The following TMEM135 variants were observed in gnomAD, a reference collection of about 807,000 sequenced individuals.
The protein encoded by TMEM135 is peroxisomal membrane protein 52.
A neutral mutation model predicts 60.3 loss-of-function variants in TMEM135; 30 were observed. The observed-to-expected ratio is 0.50, with a 90% CI of 0.37 to 0.68. TMEM135 has a LOEUF of 0.68. Among genes scored for constraint, TMEM135 ranks in the 30% least tolerant of loss-of-function variants. The probability of loss-of-function intolerance (pLI) is 0.00; values close to 1 mark genes in which losing one functional copy is unlikely to be tolerated. For synonymous variants in TMEM135, 190 were observed against 186.7 expected (o/e 1.02, Z -0.14); for missense variants, 468 against 548.8 (o/e 0.85, Z 1.47).
rs143291056 is a variant in TMEM135, at chr11:87,091,275, A to G, written c.363-87A>G. ...TACGTTTCTCAATTTCTGAGAATATAATTCTTTTTATAGACTTCTAATAAA... is the reference window on the plus strand; with the variant it reads ...TACGTTTCTCAATTTCTGAGAATATGATTCTTTTTATAGACTTCTAATAAA... On this transcript the variant is annotated intron_variant, in intron 3 of 14. Coordinates refer to ENST00000305494, the MANE Select transcript of TMEM135 (RefSeq NM_022918.4). 3.2e-5 allele frequency: 39 copies of G among 1,210,176 alleles called. No homozygotes were observed. In the African/African-American group the frequency reaches 5.5e-4, roughly 17 times the overall value. 75.0% of individuals were successfully genotyped at this position (1,210,176 alleles called of 1,614,324 possible).
intron 5 of TMEM135, among the ~76,000 whole-genome samples, chr11:87,171,637 GA>G (rs1939239841): frequency 6.6e-6 from 1 of 152,140 alleles, no homozygotes; most frequent in South Asian, 2.1e-4. Flanking sequence ...TTATACTTCA[GA>G]AAATGAGCTG....
At chr11:87,042,629 C>T (rs540142591) in intron 1 of TMEM135, among the ~76,000 whole-genome samples, 2 of 152,202 alleles carry the variant, frequency 1.3e-5, no homozygotes, top group South Asian at 2.1e-4. Flanking sequence ...TTCTGAGCCC[C>T]AACATGAAGG....
intron 6 of TMEM135, among the ~76,000 whole-genome samples, chr11:87,255,964 G>A (rs1011065530): frequency 6.6e-6 from 1 of 152,178 alleles, no homozygotes; most frequent in Admixed American, 6.5e-5. Context: ...TGGTTGGTAA[G>A]TTACAAAACT....
chr11:87,276,224 A>G (rs1001187441), intron 6 of TMEM135, among the ~76,000 whole-genome samples: 1 of 152,154 alleles, frequency 6.6e-6, no homozygotes, highest in Admixed American at 6.6e-5. Flanking sequence ...TTAATCCTCA[A>G]TACATTGTTC....
At chr11:87,076,527 C>G (rs1856877202) in intron 3 of TMEM135, among the ~76,000 whole-genome samples, 2 of 152,312 alleles carry the variant, frequency 1.3e-5, no homozygotes, top group Admixed American at 6.5e-5. Flanking sequence ...TGTTGCTTTA[C>G]CCCACTGTGT....
At chr11:87,059,646 A>G (rs1169864312) in intron 1 of TMEM135, among the ~76,000 whole-genome samples, 1 of 152,168 alleles carries the variant, frequency 6.6e-6, no homozygotes, top group Non-Finnish European at 1.5e-5. Flanking sequence ...CCAGAGAGGA[A>G]ATCTCTTCTT....
chr11:87,039,713 A>G (rs181820663), intron 1 of TMEM135, among the ~76,000 whole-genome samples: 15 of 152,352 alleles, frequency 9.8e-5, no homozygotes, highest in South Asian at 2.1e-4. Context: ...ATATACAACT[A>G]TAGAAAAGAT....
chr11:87,045,026 G>A (rs1256603581), intron 1 of TMEM135, among the ~76,000 whole-genome samples: 1 of 151,332 alleles, frequency 6.6e-6, no homozygotes, highest in Non-Finnish European at 1.5e-5. Flanking sequence ...TTTGTTGAAG[G>A]TGTTTTTATT....
chr11:87,153,544 GC>G (rs1287476066), intron 4 of TMEM135, among the ~76,000 whole-genome samples: 33 of 152,082 alleles, frequency 2.2e-4, no homozygotes, highest in African/African-American at 7.7e-4. Flanking sequence ...CCTAAAAGAG[GC>G]CACCCTTGAT....
At chr11:87,212,997 T>G (rs1314438346) in intron 5 of TMEM135, among the ~76,000 whole-genome samples, 2 of 152,172 alleles carry the variant, frequency 1.3e-5, no homozygotes, top group Non-Finnish European at 2.9e-5. Flanking sequence ...ATAGTCATAC[T>G]TTAACTCATC....
At chr11:87,303,255 C>T (rs1942477678) in intron 8 of TMEM135, among the ~76,000 whole-genome samples, 1 of 152,152 alleles carries the variant, frequency 6.6e-6, no homozygotes, top group South Asian at 2.1e-4. Context: ...CCATTGTGAA[C>T]TGCGCGTACA....
chr11:87,109,835 T>TTG (rs1333456470), intron 4 of TMEM135, among the ~76,000 whole-genome samples: 2 of 151,994 alleles, frequency 1.3e-5, no homozygotes, highest in Non-Finnish European at 1.5e-5. Context: ...ACTCTTTTTT[T>TTG]TTTGCCACTG....
intron 5 of TMEM135, among the ~76,000 whole-genome samples, chr11:87,202,282 T>G (rs1740549711): frequency 6.6e-6 from 1 of 152,166 alleles, no homozygotes; most frequent in Non-Finnish European, 1.5e-5. Flanking sequence ...CACCTCGACC[T>G]CCCAAAGTTT....
chr11:87,246,247 G>A (rs574179487), intron 6 of TMEM135, among the ~76,000 whole-genome samples: 2 of 149,658 alleles, frequency 1.3e-5, no homozygotes, highest in South Asian at 2.2e-4. Context: ...GCTTCCCTTT[G>A]TGGGTAACCC....
intron 3 of TMEM135, among the ~76,000 whole-genome samples, chr11:87,077,233 A>C (rs1041156674): frequency 2.6e-5 from 4 of 152,248 alleles, no homozygotes; most frequent in African/African-American, 9.6e-5. Context: ...GGAATGATGC[A>C]ATGTATAACG....
chr11:87,207,856 C>T (rs1288173672), intron 5 of TMEM135, among the ~76,000 whole-genome samples: 1 of 152,164 alleles, frequency 6.6e-6, no homozygotes, highest in Non-Finnish European at 1.5e-5. Flanking sequence ...TCTGGGAGCA[C>T]GTTGACTCCT....
At chr11:87,153,392 A>G (rs1006908295) in intron 4 of TMEM135, among the ~76,000 whole-genome samples, 1 of 152,156 alleles carries the variant, frequency 6.6e-6, no homozygotes, top group African/African-American at 2.4e-5. Flanking sequence ...ATTAGTTGAT[A>G]TATTGACATC....
intron 6 of TMEM135, among the ~76,000 whole-genome samples, chr11:87,277,639 A>G (rs1941992023): frequency 6.6e-6 from 1 of 151,722 alleles, no homozygotes; most frequent in Non-Finnish European, 1.5e-5. Context: ...CTCCTGCCTC[A>G]GCCTCCCTAG....
chr11:87,222,859 C>G (rs1371452553), intron 5 of TMEM135, among the ~76,000 whole-genome samples: 1 of 151,986 alleles, frequency 6.6e-6, no homozygotes, highest in African/African-American at 2.4e-5. Flanking sequence ...TGTTATATCA[C>G]TCTCTAATCT....
Sources: allele counts gnomAD v4.1 joint callset (sites outside exome capture counted in the v4.1 genomes callset), GRCh38; gene constraint gnomAD v4.1.1; transcripts MANE v1.5; gene names NCBI Gene and HGNC (gene_info 2026-07-23, HGNC 2026-07-21).